The following BIRC6 variants were observed in gnomAD, a reference collection of about 807,000 sequenced individuals.
BIRC6 encodes baculoviral IAP repeat containing 6.
BIRC6 carries 98 observed loss-of-function variants against 503.3 expected under a neutral mutation model. The ratio of observed to expected loss-of-function variants is 0.19; its 90% CI spans 0.17 to 0.23. The LOEUF (loss-of-function observed/expected upper bound fraction) is 0.23. Among genes scored for constraint, BIRC6 ranks in the 10% least tolerant of loss-of-function variants. BIRC6 has a pLI of 1.00. For synonymous variants in BIRC6, 2,240 were observed against 2,078.7 expected (o/e 1.08, Z -2.11); for missense variants, 5,360 against 5,806.0 (o/e 0.92, Z 2.50).
At position 32,529,801 on chromosome 2, in the gene BIRC6, A is replaced by C; in HGVS notation, c.12071A>C (p.Tyr4024Ser). The C allele has an allele frequency of 6.2e-7, 1 of 1,610,854 alleles. No individual in the cohort carries two copies. The highest frequency in any genetic ancestry group is 8.5e-7 in the Non-Finnish European group (1 of 1,178,368). Residue 4024 changes from tyrosine to serine, a missense_variant, in exon 60 of 74, where the codon TAT becomes TCT. Tyr to Ser is a moderately radical substitution (Grantham distance 144, BLOSUM62 -2). Transcript: ENST00000421745. ...TDPSLSKTDS[Y>S]KRLHPEKDHG... ...CCCAGTCTATCAAAAACAGATTCTT[A>C]TAAAAGACTACACCCTGAAAAAGGT...
rs141130213 is a variant in BIRC6 at position 32,572,256 on chromosome 2, A to G, written c.13145-2900A>G. Among the ~76,000 whole-genome samples, 5 of 152,312 alleles carry G rather than the reference A, an allele frequency of 3.3e-5. No homozygotes were observed. The East Asian group carries it at 9.6e-4, about 29-fold the overall frequency. The stretch of plus-strand genomic sequence containing the variant: ...GTCCATTTAGTCCAAAGTCCAATTT[A>G]AGTCCAATGTTTTCTTTGTTAATTT... On this transcript the variant is annotated intron_variant, in intron 65 of 73. Coordinates refer to ENST00000421745, the MANE Select transcript of BIRC6 (RefSeq NM_016252.4).
At chr2:32,480,516 G>A (rs1319865198) in intron 37 of BIRC6, among the ~76,000 whole-genome samples, 1 of 147,236 alleles carries the variant, frequency 6.8e-6, no homozygotes, top group African/African-American at 2.5e-5. Flanking sequence ...AAAAGTAAGA[G>A]TTATAGAGGG....
intron 70 of BIRC6, chr2:32,602,771 C>T (rs1028911729): frequency 4.8e-6 from 2 of 417,984 alleles, no homozygotes; most frequent in Non-Finnish European, 8.4e-6. Context: ...TTTGTGTTGA[C>T]ATATAATAGG....
At chr2:32,471,185 A>AT in intron 32 of BIRC6, 61 bp downstream of exon 32, 1 of 1,536,268 alleles carries the variant, frequency 6.5e-7, no homozygotes, top group African/African-American at 1.4e-5. Context: ...GTTGGTGGGG[A>AT]TTTTGAGTGA....
chr2:32,494,778 T>C (rs2052240938), intron 45 of BIRC6, among the ~76,000 whole-genome samples: 1 of 151,712 alleles, frequency 6.6e-6, no homozygotes, highest in Non-Finnish European at 1.5e-5. Context: ...AGGGTGTGGG[T>C]ATACACCTGT....
At chr2:32,614,314 T>C (rs1337812322) in intron 73 of BIRC6, among the ~76,000 whole-genome samples, 1 of 152,162 alleles carries the variant, frequency 6.6e-6, no homozygotes, top group Non-Finnish European at 1.5e-5. Flanking sequence ...GTTCCTTCTT[T>C]AGTGCATTAC....
chr2:32,458,788 G>C (rs1376970562), intron 23 of BIRC6, among the ~76,000 whole-genome samples: 1 of 148,540 alleles, frequency 6.7e-6, no homozygotes, highest in East Asian at 2.0e-4. Context: ...TCACCTCCTG[G>C]GCTCAAGTGA....
chr2:32,508,063 C>T lies in BIRC6; in HGVS notation c.9784C>T (p.Leu3262Phe). 1 of 1,613,824 alleles carries T rather than the reference C, an allele frequency of 6.2e-7. No individual in the cohort carries two copies. The highest frequency in any genetic ancestry group is 2.2e-5 in the East Asian group (1 of 44,870). ...PLSTPVVTSG[L>F]TYIKIQLVKA... ...GTCCACTCCTGTTGTCACAAGTGGC[C>T]TCACCTACATAAAAATTCAGCTTGT... The change falls in exon 51 of 74, where the codon CTC (leucine) becomes TTC (phenylalanine). Residue 3262 changes from leucine to phenylalanine, a missense_variant. Physicochemically the swap from Leu to Phe is conservative, Grantham distance 22. This residue lies in a region of BIRC6 where 62 missense variants were observed against 107.4 expected (regional missense o/e 0.58). Transcript: ENST00000421745.
intron 53 of BIRC6, 117 bp from the exon 54 acceptor site, chr2:32,512,816 C>A: frequency 1.4e-6 from 1 of 727,932 alleles, no homozygotes; most frequent in East Asian, 2.7e-5. Flanking sequence ...TAATCAAAAA[C>A]AATTAGTGCA....
chr2:32,509,497 C>T (rs552032944), intron 51 of BIRC6, among the ~76,000 whole-genome samples: 1 of 152,272 alleles, frequency 6.6e-6, no homozygotes, highest in Admixed American at 6.5e-5. Context: ...TTGTCATCCA[C>T]CTGCCTCGGC....
In BIRC6 at chr2:32,478,798, T is replaced by C; in HGVS notation, c.7232T>C (p.Met2411Thr). ...TGGGCTCAGTATTCCTTAACTTGCA[T>C]GCTACAAGATATTTTAGCAGGTGTG... ...GAWAQYSLTC[M>T]LQDILAGELL... is the part of the protein sequence containing the mutation. The change falls in exon 36 of 74, where the codon ATG becomes ACG. Residue 2411 changes from methionine (M) to threonine (T), a missense_variant. This residue lies in a region of BIRC6 where 2,299 missense variants were observed against 2,267.2 expected (regional missense o/e 1.01). Transcript: ENST00000421745. The C allele has an allele frequency of 6.2e-7, 1 of 1,612,734 alleles. No individual in the cohort carries two copies. Among genetic ancestry groups the C allele is most frequent in the Non-Finnish European group, 8.5e-7 (1 of 1,179,580 alleles).
At chr2:32,447,562 G>A (rs2046180604) in intron 21 of BIRC6, among the ~76,000 whole-genome samples, 7 of 109,892 alleles carry the variant, frequency 6.4e-5, no homozygotes, top group African/African-American at 2.8e-4. Flanking sequence ...CCGGGCAGAG[G>A]CGCCCCTCAC....
intron 50 of BIRC6, among the ~76,000 whole-genome samples, chr2:32,506,122 T>G (rs984293613): frequency 6.6e-6 from 1 of 152,206 alleles, no homozygotes; most frequent in African/African-American, 2.4e-5. Flanking sequence ...GTGCTGAGAT[T>G]ACAGGTGTGA....
At chr2:32,364,107 G>A (rs769383044) in intron 1 of BIRC6, among the ~76,000 whole-genome samples, 5 of 152,184 alleles carry the variant, frequency 3.3e-5, no homozygotes, top group Non-Finnish European at 7.3e-5. Flanking sequence ...ATATACATAT[G>A]TAAGTGAAGG....
intron 57 of BIRC6, among the ~76,000 whole-genome samples, chr2:32,521,009 A>C (rs1008212782): frequency 6.6e-6 from 1 of 152,178 alleles, no homozygotes; most frequent in Non-Finnish European, 1.5e-5. Context: ...CTAGCATTCA[A>C]AATATTTTAC....
chr2:32,419,807 A>G (rs2042750972), intron 10 of BIRC6, among the ~76,000 whole-genome samples: 2 of 152,146 alleles, frequency 1.3e-5, no homozygotes, highest in South Asian at 2.1e-4. Context: ...TAATCTCACT[A>G]TCTGGGATTA....
At chr2:32,389,217 A>G (rs1385911598) in intron 4 of BIRC6, among the ~76,000 whole-genome samples, 1 of 152,178 alleles carries the variant, frequency 6.6e-6, no homozygotes, top group Non-Finnish European at 1.5e-5. Flanking sequence ...CCAGTTTAGT[A>G]CTTGCTTAGT....
intron 50 of BIRC6, among the ~76,000 whole-genome samples, chr2:32,507,566 C>T (rs1425091611): frequency 6.6e-6 from 1 of 152,000 alleles, no homozygotes; most frequent in African/African-American, 2.4e-5. Flanking sequence ...ACATTTTTCC[C>T]CAAATTATTT....
In BIRC6 at chr2:32,461,068, T is replaced by TTCTCTTCTCTTCTCTTCTCCTCTCC. The variant is rs2047890874; in HGVS notation, c.4754-2122_4754-2121insTTCTCTTCTCTTCTCCTCTCCTCTC. ...TTCTCTTCTCTTCTCTTCTCTTCTG[T>TTCTCTTCTCTTCTCTTCTCCTCTCC]TCTCCTCTCCTCTCCTCTCCTCTCC... is the stretch of plus-strand genomic sequence containing the variant. On this transcript the variant is annotated intron_variant, in intron 23 of 73. Coordinates refer to ENST00000421745, the MANE Select transcript of BIRC6 (RefSeq NM_016252.4). Among the ~76,000 whole-genome samples, 14 of 26,826 alleles carry TTCTCTTCTCTTCTCTTCTCCTCTCC rather than the reference T, an allele frequency of 5.2e-4. 1 individual carries two copies. The highest frequency in any genetic ancestry group is 2.2e-3 in the East Asian group (2 of 922). 17.6% of individuals were successfully genotyped at this position (26,826 alleles called of 152,430 possible).
Sources: gnomAD v4.1 joint callset for allele counts (sites outside exome capture counted in the v4.1 genomes callset) on GRCh38, gnomAD v4.1.1 for gene constraint, gnomAD v4.1.1 regional missense constraint, MANE v1.5 for transcripts, NCBI Gene and HGNC (gene_info 2026-07-23, HGNC 2026-07-21) for gene names.